CLIC4: variants seen among roughly 807,000 people sequenced by gnomAD.
CLIC4 encodes CLIC family member 4.
In CLIC4, 13 loss-of-function variants were observed where a neutral mutation model predicts 24.6. That is an observed-to-expected ratio of 0.53 (90% CI 0.34 to 0.84). The LOEUF is 0.84. CLIC4 is among the 40% of genes least tolerant of loss of function. The pLI is 0.01. For missense variants in CLIC4, 227 were observed against 301.7 expected, an observed-to-expected ratio of 0.75 and a Z score of 1.83; for synonymous variants, 104 against 111.3, an observed-to-expected ratio of 0.93 and a Z score of 0.41.
chr1:24,825,003 C>CACACAG (rs1027877624), intron 3 of CLIC4, among the ~76,000 whole-genome samples: 1 of 141,644 alleles, frequency 7.1e-6, no homozygotes, highest in African/African-American at 2.9e-5. Flanking sequence ...CTGTCACACA[C>CACACAG]ACACACACAC....
intron 3 of CLIC4, among the ~76,000 whole-genome samples, chr1:24,820,293 G>A (rs868668405): frequency 2.5e-4 from 2 of 7,990 alleles, no homozygotes; most frequent in African/African-American, 4.6e-4. Flanking sequence ...TTTTTTTTTT[G>A]AGACATGGTC....
chr1:24,791,801 C>T (rs962744371), intron 1 of CLIC4, among the ~76,000 whole-genome samples: 1 of 149,958 alleles, frequency 6.7e-6, no homozygotes, highest in Non-Finnish European at 1.5e-5. Flanking sequence ...ACTTGAACCT[C>T]GGAGGTGGAG....
rs1211817102 is a variant in CLIC4, at chr1:24,842,536, G to C, written c.*1599G>C. 6.6e-6 allele frequency: 1 copy of C among 152,088 alleles called. No homozygotes were observed. The highest frequency in any genetic ancestry group is 2.4e-5 in the African/African-American group (1 of 41,420). The allele number at this position is 152,088 out of a possible 1,614,324, so 9.4% of individuals were successfully genotyped here. On this transcript the variant is annotated 3_prime_UTR_variant, in exon 6 of 6. Coordinates refer to ENST00000374379, the MANE Select transcript of CLIC4 (RefSeq NM_013943.3). ...TTTAGTAAGCACTGGCTTTATGAAA[G>C]CGGCTTTTTATAAGTATACTGCATT...
At chr1:24,747,487 T>C (rs1333738333) in intron 1 of CLIC4, among the ~76,000 whole-genome samples, 2 of 146,584 alleles carry the variant, frequency 1.4e-5, no homozygotes, top group East Asian at 4.0e-4. Flanking sequence ...TGTGCGGAGA[T>C]TGCGCCACTG....
chr1:24,756,667 T>C (rs555183352), intron 1 of CLIC4, among the ~76,000 whole-genome samples: 5 of 152,192 alleles, frequency 3.3e-5, no homozygotes, highest in Non-Finnish European at 5.9e-5. Flanking sequence ...AAAGAGAATC[T>C]GAACAAATAT....
intron 1 of CLIC4, among the ~76,000 whole-genome samples, chr1:24,753,348 A>T (rs116666142): frequency 6.6e-6 from 1 of 152,232 alleles, no homozygotes; most frequent in African/African-American, 2.4e-5. Flanking sequence ...AGAAATTATT[A>T]AACAGTTAAT....
chr1:24,791,651 G>A (rs1179379756), intron 1 of CLIC4, among the ~76,000 whole-genome samples: 4 of 152,090 alleles, frequency 2.6e-5, no homozygotes, highest in Admixed American at 2.6e-4. Context: ...CGAGGCGGGT[G>A]GATCACCTGA....
At chr1:24,753,951 C>A (rs1414277357) in intron 1 of CLIC4, among the ~76,000 whole-genome samples, 1 of 152,138 alleles carries the variant, frequency 6.6e-6, no homozygotes, top group Non-Finnish European at 1.5e-5. Flanking sequence ...GAAAACTGTT[C>A]TGGTAATTAA....
chr1:24,761,131 A>G (rs1638921996), intron 1 of CLIC4, among the ~76,000 whole-genome samples: 1 of 152,198 alleles, frequency 6.6e-6, no homozygotes, highest in African/African-American at 2.4e-5. Context: ...CTGAACAGCC[A>G]GAATGATGGA....
intron 3 of CLIC4, among the ~76,000 whole-genome samples, chr1:24,823,338 T>C (rs1212354656): frequency 6.6e-6 from 1 of 152,194 alleles, no homozygotes; most frequent in African/African-American, 2.4e-5. Context: ...GAAACCACTT[T>C]GCTAAAAAAC....
chr1:24,838,297 A>G (rs974291029), intron 4 of CLIC4, among the ~76,000 whole-genome samples: 1 of 152,110 alleles, frequency 6.6e-6, no homozygotes, highest in African/African-American at 2.4e-5. Flanking sequence ...GCTCAATTAT[A>G]TTTTGTTGAA....
chr1:24,752,577 C>T (rs1032766339), intron 1 of CLIC4, among the ~76,000 whole-genome samples: 2 of 152,176 alleles, frequency 1.3e-5, no homozygotes, highest in African/African-American at 4.8e-5. Context: ...CTTCCGGTCA[C>T]ATTCTATTGG....
chr1:24,778,657 C>T (rs984122480), intron 1 of CLIC4, among the ~76,000 whole-genome samples: 5 of 152,076 alleles, frequency 3.3e-5, no homozygotes, highest in Non-Finnish European at 5.9e-5. Flanking sequence ...TCCGGACAGT[C>T]AATATTTTAA....
At chr1:24,827,581 GT>G (rs1639799808) in intron 4 of CLIC4, among the ~76,000 whole-genome samples, 1 of 108,578 alleles carries the variant, frequency 9.2e-6, no homozygotes, top group Non-Finnish European at 1.9e-5. Context: ...TGTTTTTGTT[GT>G]TGTTGTTTTT....
At chr1:24,760,928 A>G (rs1184437751) in intron 1 of CLIC4, among the ~76,000 whole-genome samples, 3 of 152,202 alleles carry the variant, frequency 2.0e-5, no homozygotes, top group African/African-American at 7.2e-5. Flanking sequence ...TAGGAAGGCA[A>G]GGTCAGAAGC....
intron 2 of CLIC4, among the ~76,000 whole-genome samples, chr1:24,798,878 C>T (rs374846324): frequency 2.0e-5 from 3 of 152,378 alleles, no homozygotes; most frequent in African/African-American, 7.2e-5. Flanking sequence ...AGCCCCTAAC[C>T]GCGAGTGATC....
chr1:24,791,689 G>A lies in CLIC4; in HGVS notation c.73-6053G>A, dbSNP rs963797915. On this transcript the variant is annotated intron_variant, in intron 1 of 5. Coordinates refer to ENST00000374379, the MANE Select transcript of CLIC4 (RefSeq NM_013943.3). ...TCAGGAGTTCGAGACCAGCCTGACCGACATGGTGAAACACTGTCTCTAATA... is the reference window on the plus strand; with the variant it reads ...TCAGGAGTTCGAGACCAGCCTGACCAACATGGTGAAACACTGTCTCTAATA... Among the ~76,000 whole-genome samples the A allele has an allele frequency of 9.9e-5, 15 of 152,088 alleles. No homozygotes were observed. In the South Asian group the frequency reaches 2.3e-3, roughly 23 times the overall value.
intron 2 of CLIC4, among the ~76,000 whole-genome samples, chr1:24,798,888 C>T (rs1328323345): frequency 6.6e-6 from 1 of 152,270 alleles, no homozygotes; most frequent in Non-Finnish European, 1.5e-5. Context: ...CGCGAGTGAT[C>T]CGCCAGCCTC....
intron 1 of CLIC4, among the ~76,000 whole-genome samples, chr1:24,787,158 A>G (rs1222747905): frequency 6.6e-6 from 1 of 152,184 alleles, no homozygotes; most frequent in Non-Finnish European, 1.5e-5. Flanking sequence ...AATTTTTAAG[A>G]AAACAGTAGA....
Sources: gnomAD v4.1 joint callset for allele counts (sites outside exome capture counted in the v4.1 genomes callset) on GRCh38, gnomAD v4.1.1 for gene constraint, MANE v1.5 for transcripts, NCBI Gene and HGNC (gene_info 2026-07-23, HGNC 2026-07-21) for gene names.